The following PCDH15 variants were observed in gnomAD, a reference collection of about 807,000 sequenced individuals.
The protein encoded by PCDH15 is protocadherin-15.
In PCDH15, 129 loss-of-function variants were observed where a neutral mutation model predicts 178.5. The observed-to-expected ratio is 0.72, with a 90% CI of 0.63 to 0.84. The LOEUF is 0.84. Ranked by LOEUF, PCDH15 falls within the 40% of genes least tolerant of loss-of-function variation. The pLI is 0.00. For synonymous variants in PCDH15, 800 were observed against 732.0 expected (o/e 1.09, Z -1.50); for missense variants, 2,230 against 2,099.9 (o/e 1.06, Z -1.21).
intron 2 of PCDH15, among the ~76,000 whole-genome samples, chr10:55,552,127 GA>G (rs914193507): frequency 3.3e-5 from 5 of 151,640 alleles, no homozygotes; most frequent in Admixed American, 6.6e-5. Context: ...CTTATTCAAG[GA>G]AGGCTTAAAT....
chr10:54,194,503 G>A (rs1022046807), intron 11 of PCDH15, among the ~76,000 whole-genome samples: 2 of 152,024 alleles, frequency 1.3e-5, no homozygotes, highest in South Asian at 2.1e-4. Flanking sequence ...AGGGAGAAAT[G>A]AATGAATCAA....
At chr10:55,029,339 T>C (rs1840553867) in intron 2 of PCDH15, among the ~76,000 whole-genome samples, 1 of 151,946 alleles carries the variant, frequency 6.6e-6, no homozygotes, top group African/African-American at 2.4e-5. Context: ...AATATGCATG[T>C]ATATATATAA....
intron 32 of PCDH15, among the ~76,000 whole-genome samples, chr10:53,825,872 TCTA>T (rs2076644980): frequency 1.3e-5 from 2 of 151,372 alleles, no homozygotes; most frequent in African/African-American, 4.8e-5. Context: ...ATCTACTGAG[TCTA>T]CTACAATTGT....
intron 32 of PCDH15, chr10:53,825,260 G>T: frequency 8.4e-7 from 1 of 1,189,892 alleles, no homozygotes. Context: ...CAAACACTTA[G>T]TACGTATATC....
chr10:54,617,520 C>A (rs2093206803), intron 2 of PCDH15, among the ~76,000 whole-genome samples: 1 of 151,584 alleles, frequency 6.6e-6, no homozygotes, highest in Admixed American at 6.6e-5. Flanking sequence ...ATTTTTGTGA[C>A]CTGGGTACCT....
rs752174949 is a variant in PCDH15, at chr10:53,840,497, C to T, written c.3807-1G>A. ...TTCCTGAACATAGCGATCCAAGATC[C>T]TATAAATCAAACAAAGTACAAACAT... On this transcript the variant is annotated splice_acceptor_variant, in intron 28 of 37. Coordinates refer to ENST00000644397, the MANE Select transcript of PCDH15 (RefSeq NM_001384140.1). LOFTEE classifies it high-confidence loss of function. 1 of 1,613,350 alleles carries T rather than the reference C, an allele frequency of 6.2e-7. No individual in the cohort carries two copies. The highest frequency in any genetic ancestry group is 8.5e-7 in the Non-Finnish European group (1 of 1,179,370).
intron 1 of PCDH15, among the ~76,000 whole-genome samples, chr10:55,296,272 A>G (rs141790190): frequency 1.0e-3 from 159 of 152,260 alleles, no homozygotes; most frequent in African/African-American, 3.7e-3. Context: ...TGAGTAAATC[A>G]TTGGCACTTT....
chr10:54,078,584 C>G (rs2094383550), intron 17 of PCDH15, among the ~76,000 whole-genome samples: 1 of 150,504 alleles, frequency 6.6e-6, no homozygotes, highest in South Asian at 2.1e-4. Context: ...ACATAAGCAC[C>G]TGATTGAAAA....
intron 2 of PCDH15, among the ~76,000 whole-genome samples, chr10:55,456,720 T>G (rs879371056): frequency 2.0e-5 from 3 of 152,040 alleles, no homozygotes; most frequent in African/African-American, 4.8e-5. Flanking sequence ...TAAATTTAGG[T>G]ATGCCAATGA....
intron 2 of PCDH15, among the ~76,000 whole-genome samples, chr10:55,549,334 G>T (rs1254991566): frequency 6.6e-6 from 1 of 152,004 alleles, no homozygotes; most frequent in African/African-American, 2.4e-5. Context: ...CGTTACACAT[G>T]TTAAAATTAT....
At chr10:54,158,616 TA>T (rs527326379) in intron 13 of PCDH15, among the ~76,000 whole-genome samples, 3 of 152,000 alleles carry the variant, frequency 2.0e-5, no homozygotes, top group South Asian at 2.1e-4. Flanking sequence ...CTGGTTCTGA[TA>T]AAAAAAATAC....
At chr10:54,283,784 G>T (rs372354382) in intron 8 of PCDH15, among the ~76,000 whole-genome samples, 101 of 152,166 alleles carry the variant, frequency 6.6e-4, no homozygotes, top group African/African-American at 1.8e-3. Context: ...CAGGAGAGCT[G>T]GAAGGATGCA....
intron 1 of PCDH15, among the ~76,000 whole-genome samples, chr10:54,759,849 T>G (rs1947638302): frequency 6.6e-6 from 1 of 152,164 alleles, no homozygotes; most frequent in Admixed American, 6.5e-5. Context: ...GGTGCCTCTG[T>G]ACAGCTGCAA....
intron 6 of PCDH15, among the ~76,000 whole-genome samples, chr10:54,332,778 G>A (rs952987141): frequency 6.6e-6 from 1 of 151,968 alleles, no homozygotes; most frequent in Non-Finnish European, 1.5e-5. Context: ...GTTGTTGACA[G>A]TTTTCATTGG....
intron 2 of PCDH15, among the ~76,000 whole-genome samples, chr10:55,465,836 A>G (rs1473394731): frequency 2.0e-5 from 3 of 152,220 alleles, no homozygotes; most frequent in African/African-American, 7.2e-5. Flanking sequence ...TAAAATTAAT[A>G]CGATGTAAAA....
chr10:54,334,135 A>C (rs918104067), intron 6 of PCDH15, among the ~76,000 whole-genome samples: 44 of 152,158 alleles, frequency 2.9e-4, no homozygotes, highest in African/African-American at 1.0e-3. Context: ...TAATACCCAC[A>C]CGCCCCAAAC....
intron 2 of PCDH15, among the ~76,000 whole-genome samples, chr10:55,123,625 G>A (rs1020864866): frequency 1.1e-4 from 16 of 152,106 alleles, no homozygotes; most frequent in African/African-American, 3.9e-4. Flanking sequence ...ATGATTGTGA[G>A]ATGGGAAGCT....
chr10:55,050,245 A>C (rs1196427912), intron 2 of PCDH15, among the ~76,000 whole-genome samples: 3 of 152,016 alleles, frequency 2.0e-5, no homozygotes, highest in Non-Finnish European at 4.4e-5. Context: ...CAGTTTAGCC[A>C]CTTGCAAGCT....
intron 9 of PCDH15, among the ~76,000 whole-genome samples, chr10:54,233,360 C>T (rs2054280142): frequency 6.6e-6 from 1 of 152,014 alleles, no homozygotes; most frequent in African/African-American, 2.4e-5. Flanking sequence ...TTTTATTTGT[C>T]TCAAAGTATT....
Sources: allele counts gnomAD v4.1 joint callset (sites outside exome capture counted in the v4.1 genomes callset), GRCh38; gene constraint gnomAD v4.1.1; transcripts MANE v1.5; gene names NCBI Gene and HGNC (gene_info 2026-07-23, HGNC 2026-07-21).